Variants in ARHGAP39 observed in about 807,000 individuals in gnomAD.
The protein encoded by ARHGAP39 is rho GTPase-activating protein 39.
A neutral mutation model predicts 106.9 loss-of-function variants in ARHGAP39; 44 were observed. That is an observed-to-expected ratio of 0.41 (90% CI 0.32 to 0.53). The LOEUF (loss-of-function observed/expected upper bound fraction) is 0.53, where lower values mean the gene tolerates loss of function less well. Among genes scored for constraint, ARHGAP39 ranks in the 20% least tolerant of loss-of-function variants. The pLI is 0.21. For missense variants in ARHGAP39, 1,496 were observed against 1,577.3 expected (o/e 0.95, Z 0.87); for synonymous variants, 768 against 693.2 (o/e 1.11, Z -1.69).
chr8:144,546,186 C>T (rs1367579949), intron 5 of ARHGAP39, among the ~76,000 whole-genome samples: 1 of 152,192 alleles, frequency 6.6e-6, no homozygotes, highest in Non-Finnish European at 1.5e-5. Context: ...CGGAAGGCTG[C>T]AGTTCACACC....
rs575790907 is a variant in ARHGAP39 at position 144,617,994 on chromosome 8, C to T, written c.-81-12299G>A. On this transcript the variant is annotated intron_variant, in intron 1 of 11. Coordinates refer to ENST00000377307, the MANE Select transcript of ARHGAP39 (RefSeq NM_025251.3). Reference sequence around the variant, plus strand: ...ATGGGGTCTCTCTATGCTGCCCAGGCTGGCCTTGAACTTCCTGGCTCAAGG... The same window carrying T: ...ATGGGGTCTCTCTATGCTGCCCAGGTTGGCCTTGAACTTCCTGGCTCAAGG... Among the ~76,000 whole-genome samples, 125 of 152,228 alleles carry T rather than the reference C, an allele frequency of 8.2e-4. 1 individual carries two copies. The South Asian group carries it at 0.023, about 29-fold the overall frequency.
chr8:144,555,470 G>A (rs987318837), intron 4 of ARHGAP39, 90 bp downstream of exon 4: 22 of 1,134,500 alleles, frequency 1.9e-5, no homozygotes, highest in South Asian at 3.7e-5. Flanking sequence ...TTGCTGCTAC[G>A]CGCCAGGCAC....
At chr8:144,584,790 G>A (rs749833873) in intron 2 of ARHGAP39, among the ~76,000 whole-genome samples, 3 of 152,016 alleles carry the variant, frequency 2.0e-5, no homozygotes, top group East Asian at 1.9e-4. Flanking sequence ...AGAATAAATC[G>A]AGTTTCTGTA....
At chr8:144,577,688 T>C (rs59406889) in intron 3 of ARHGAP39, among the ~76,000 whole-genome samples, 16,113 of 152,094 alleles carry the variant, frequency 0.11, 1,639 homozygotes, top group African/African-American at 0.26. Context: ...AGTTGCACAA[T>C]ACAAGATCAA....
chr8:144,674,659 C>G (rs780553197), intron 1 of ARHGAP39, among the ~76,000 whole-genome samples: 87 of 152,318 alleles, frequency 5.7e-4, no homozygotes, highest in Non-Finnish European at 1.2e-3. Context: ...CTGCCTCCTG[C>G]TACCATCAAC....
Position 144,580,808 on chromosome 8 carries a change from C to A in ARHGAP39, c.512+38G>T, listed in dbSNP as rs1481266758. On this transcript the variant is annotated intron_variant, in intron 3 of 11. Coordinates refer to ENST00000377307, the MANE Select transcript of ARHGAP39 (RefSeq NM_025251.3). Reference sequence around the variant, plus strand: ...CTCACCTGGCCCCGCCCACTCCATTCACCTGGCCCCGCCCATAGCAGCTGC... The same window carrying A: ...CTCACCTGGCCCCGCCCACTCCATTAACCTGGCCCCGCCCATAGCAGCTGC... 5.5e-6 allele frequency: 8 copies of A among 1,452,412 alleles called. 1 individual carries two copies. In the South Asian group the frequency reaches 1.1e-4, roughly 20 times the overall value. The allele number at this position is 1,452,412 out of a possible 1,614,324, so 90.0% of individuals were successfully genotyped here.
At chr8:144,579,164 T>G (rs1219659632) in intron 3 of ARHGAP39, among the ~76,000 whole-genome samples, 1 of 125,872 alleles carries the variant, frequency 7.9e-6, no homozygotes, top group African/African-American at 3.2e-5. Flanking sequence ...ATCGTGCCAC[T>G]GCACTCCAGC....
chr8:144,622,961 C>G (rs1279661983), intron 1 of ARHGAP39, among the ~76,000 whole-genome samples: 1 of 152,242 alleles, frequency 6.6e-6, no homozygotes, highest in Non-Finnish European at 1.5e-5. Flanking sequence ...AGGAAGAAAG[C>G]CACCATCCAG....
chr8:144,643,910 G>C (rs569325586), intron 1 of ARHGAP39, among the ~76,000 whole-genome samples: 4 of 152,072 alleles, frequency 2.6e-5, no homozygotes, highest in Non-Finnish European at 5.9e-5. Flanking sequence ...AAAAAGAAAG[G>C]CAATGTTTTA....
At chr8:144,597,699 G>C (rs1024879211) in intron 2 of ARHGAP39, among the ~76,000 whole-genome samples, 5 of 152,214 alleles carry the variant, frequency 3.3e-5, no homozygotes, top group Non-Finnish European at 7.3e-5. Context: ...AAGACTTTTA[G>C]AAGAAAATAC....
chr8:144,646,365 G>A lies in ARHGAP39; in HGVS notation c.-82+39321C>T, dbSNP rs1257222014. Among the ~76,000 whole-genome samples, 1 of 152,180 alleles carries A rather than the reference G, an allele frequency of 6.6e-6. No individual in the cohort carries two copies. The highest frequency in any genetic ancestry group is 1.5e-5 in the Non-Finnish European group (1 of 68,026). ...GGCAGGAACAGAGAGCGGGAGGGGA[G>A]GGAGTGAAACTTCGTAGCACATGCC... is the stretch of plus-strand genomic sequence containing the variant. On this transcript the variant is annotated intron_variant, in intron 1 of 11. Transcript: ENST00000377307. The surrounding 1 kb of genome is among the most constrained non-coding windows in gnomAD (Gnocchi z 5.7).
At chr8:144,618,442 T>C (rs1820695390) in intron 1 of ARHGAP39, among the ~76,000 whole-genome samples, 1 of 152,226 alleles carries the variant, frequency 6.6e-6, no homozygotes, top group South Asian at 2.1e-4. Context: ...GTTTAATAGG[T>C]GACGGGAGAG....
chr8:144,536,575 G>A (rs1402373515), intron 7 of ARHGAP39, among the ~76,000 whole-genome samples: 1 of 152,204 alleles, frequency 6.6e-6, no homozygotes, highest in Non-Finnish European at 1.5e-5. Context: ...GTGGTCTGAG[G>A]ACGTCTGTGG....
At position 144,547,195 on chromosome 8, in the gene ARHGAP39, G is replaced by C. The variant is rs1482556033; in HGVS notation, c.1891C>G (p.Leu631Val). 6.2e-7 allele frequency: 1 copy of C among 1,612,328 alleles called. No homozygotes were observed. Among genetic ancestry groups the C allele is most frequent in the African/African-American group, 1.3e-5 (1 of 74,908 alleles). ...TFEKLGFPQI[L>V]LEKSVSVQTN... ...TGCACGGAGACGCTCTTCTCCAGCA[G>C]GATCTGGGGGAAGCCTAGCTTCTCG... Residue 631 changes from leucine (L) to valine (V), a missense_variant, in exon 5 of 12, where the codon CTG becomes GTG. Around this residue, in one of 4 missense-constraint regions of ARHGAP39, gnomAD observed 905 missense variants for 816.4 expected, o/e 1.11. Coordinates refer to ENST00000377307, the MANE Select transcript of ARHGAP39 (RefSeq NM_025251.3). The surrounding 1 kb of genome is among the most constrained non-coding windows in gnomAD (Gnocchi z 5.2).
intron 2 of ARHGAP39, among the ~76,000 whole-genome samples, chr8:144,601,625 G>A (rs1563699511): frequency 1.4e-5 from 2 of 145,288 alleles, no homozygotes; most frequent in South Asian, 2.2e-4. Flanking sequence ...TGTGCATGGA[G>A]GCGTGCATGT....
chr8:144,666,554 G>A (rs1269822675), intron 1 of ARHGAP39, among the ~76,000 whole-genome samples: 1 of 152,222 alleles, frequency 6.6e-6, no homozygotes, highest in East Asian at 1.9e-4. Flanking sequence ...TGCTATTCTC[G>A]TGATAGTGAA....
At chr8:144,696,854 ATTCT>A in the ARHGAP39 span, among the ~76,000 whole-genome samples, 1 of 152,134 alleles carries the variant, frequency 6.6e-6, no homozygotes, top group Non-Finnish European at 1.5e-5. Context: ...AGTAACCAAC[ATTCT>A]TTCTGTCTGT....
chr8:144,617,457 A>C (rs1373104224), intron 1 of ARHGAP39, among the ~76,000 whole-genome samples: 1 of 147,694 alleles, frequency 6.8e-6, no homozygotes, highest in Admixed American at 6.7e-5. Context: ...CCAGCGCCGC[A>C]AACCAGGAGA....
Position 144,671,171 on chromosome 8 carries a change from C to T in ARHGAP39, c.-82+14515G>A, listed in dbSNP as rs550383603. Among the ~76,000 whole-genome samples the T allele has an allele frequency of 6.6e-6, 1 of 152,332 alleles. No homozygotes were observed. Among genetic ancestry groups the T allele is most frequent in the East Asian group, 1.9e-4 (1 of 5,182 alleles). The stretch of plus-strand genomic sequence containing the variant: ...AATGAGGCCTATGTTGGGTGTCTCA[C>T]CCATGCCAGGCTCTGCGGGTCACTG... On this transcript the variant is annotated intron_variant, in intron 1 of 11. Transcript: ENST00000377307. This position sits in a 1 kb window ranked among gnomAD's most constrained non-coding sequence, Gnocchi z 4.5.
Sources: allele counts gnomAD v4.1 joint callset (sites outside exome capture counted in the v4.1 genomes callset), GRCh38; gene constraint gnomAD v4.1.1; regional missense constraint gnomAD v4.1.1; non-coding constraint Gnocchi (gnomAD v3.1); transcripts MANE v1.5; gene names NCBI Gene and HGNC (gene_info 2026-07-23, HGNC 2026-07-21).